The following SLC44A3 variants were observed in gnomAD, a reference collection of about 807,000 sequenced individuals.
SLC44A3 encodes the protein solute carrier family 44 member 3.
SLC44A3 carries 74 observed loss-of-function variants against 75.4 expected under a neutral mutation model. That is an observed-to-expected ratio of 0.98 (90% CI 0.81 to 1.19). SLC44A3 has a LOEUF of 1.19. Among genes scored for constraint, SLC44A3 ranks in the 50% most tolerant of loss-of-function variants. The probability of loss-of-function intolerance (pLI) is 0.00; values close to 1 mark genes in which losing one functional copy is unlikely to be tolerated. For synonymous variants in SLC44A3, 310 were observed against 296.9 expected (o/e 1.04, Z -0.45); for missense variants, 700 against 778.6 (o/e 0.90, Z 1.20).
Position 94,824,620 on chromosome 1 carries a change from A to T in SLC44A3, c.263A>T (p.Asp88Val), listed in dbSNP as rs1661057714. 6.3e-7 allele frequency: 1 copy of T among 1,589,342 alleles called. No homozygotes were observed. Among genetic ancestry groups the T allele is most frequent in the African/African-American group, 1.4e-5 (1 of 73,222 alleles). Residue 88 changes from aspartate (D) to valine (V), a missense_variant, in exon 3 of 15, where the codon GAC (aspartate) becomes GTC (valine). Coordinates refer to ENST00000271227, the MANE Select transcript of SLC44A3 (RefSeq NM_001114106.3). ...PVEGAPLSGQDMTLKKHVFFM... is the reference protein window; with the variant it reads ...PVEGAPLSGQVMTLKKHVFFM... The stretch of plus-strand genomic sequence containing the variant: ...GAAGGGGCCCCTCTTTCAGGGCAGG[A>T]CATGACCCTAAAAAAGTAAGTATCT...
intron 11 of SLC44A3, 53 bp from the exon 12 acceptor site, chr1:94,867,278 C>A: frequency 6.9e-7 from 1 of 1,448,294 alleles, no homozygotes; most frequent in East Asian, 2.5e-5. Context: ...GCCTGCTTTT[C>A]TTCTTTCCTG....
chr1:94,879,226 A>C (rs981657905), intron 12 of SLC44A3, among the ~76,000 whole-genome samples: 5 of 148,130 alleles, frequency 3.4e-5, no homozygotes, highest in Admixed American at 6.7e-5. Flanking sequence ...AAAAAAAAAA[A>C]CCCGATTTTA....
chr1:94,843,616 AG>A (rs1318954821), intron 8 of SLC44A3: 1 of 152,216 alleles, frequency 6.6e-6, no homozygotes, highest in African/African-American at 2.4e-5. Context: ...AGAGCATCTC[AG>A]GCCAAGGGCA....
intron 9 of SLC44A3, among the ~76,000 whole-genome samples, chr1:94,853,050 C>G (rs1303204162): frequency 6.6e-6 from 1 of 152,092 alleles, no homozygotes; most frequent in Non-Finnish European, 1.5e-5. Flanking sequence ...GTATTTAAAA[C>G]CATGAGATTA....
At position 94,882,888 on chromosome 1, in the gene SLC44A3, T is replaced by C. The variant is rs565328900; in HGVS notation, c.1483-8242T>C. 8.7e-5 allele frequency among the ~76,000 whole-genome samples: 13 copies of C among 149,252 alleles called. No homozygotes were observed. The East Asian group carries it at 2.6e-3, about 29-fold the overall frequency. The stretch of plus-strand genomic sequence containing the variant: ...TCCTCATTGGTGAAATAAGAGCATT[T>C]TTCTAGGTGATATCTAGGATGCCTT... On this transcript the variant is annotated intron_variant, in intron 12 of 14. Coordinates refer to ENST00000271227, the MANE Select transcript of SLC44A3 (RefSeq NM_001114106.3).
At chr1:94,850,980 A>G (rs978042795) in intron 9 of SLC44A3, among the ~76,000 whole-genome samples, 4 of 152,124 alleles carry the variant, frequency 2.6e-5, no homozygotes, top group African/African-American at 7.2e-5. Context: ...CACGGGAGAG[A>G]GTTGAAACAG....
intron 9 of SLC44A3, among the ~76,000 whole-genome samples, chr1:94,846,405 C>T (rs1025291935): frequency 6.6e-6 from 1 of 152,064 alleles, no homozygotes; most frequent in East Asian, 1.9e-4. Flanking sequence ...TGTAAAGCTC[C>T]GTAACAGGGC....
intron 9 of SLC44A3, among the ~76,000 whole-genome samples, chr1:94,845,801 A>G (rs12063734): frequency 0.012 from 1,782 of 152,252 alleles, 25 homozygotes; most frequent in African/African-American, 0.041. Context: ...TAATTTGCCA[A>G]CCCCTATCAA....
At chr1:94,824,662 T>C (rs765157685) in intron 3 of SLC44A3, 27 bp downstream of exon 3, 1 of 1,525,406 alleles carries the variant, frequency 6.6e-7, no homozygotes, top group South Asian at 1.3e-5. Context: ...GTCCCCAGTC[T>C]GTAAGGAACT....
At chr1:94,845,178 G>T in intron 8 of SLC44A3, 100 bp from the exon 9 acceptor site, 11 of 1,222,706 alleles carry the variant, frequency 9.0e-6, no homozygotes, top group Non-Finnish European at 1.1e-5. Context: ...TCTTAAAAGA[G>T]CTGTTTGCTG....
intron 6 of SLC44A3, among the ~76,000 whole-genome samples, chr1:94,839,586 G>C (rs544054921): frequency 8.2e-4 from 125 of 152,044 alleles, no homozygotes; most frequent in African/African-American, 2.8e-3. Context: ...ATGGGGTTTT[G>C]CCAGGTTGGC....
chr1:94,842,163 C>A lies in SLC44A3; in HGVS notation c.885+39C>A. On this transcript the variant is annotated intron_variant, in intron 8 of 14. Transcript: ENST00000271227. ...TTCTAGCAGTAGGTCAGGTAGCCAGCCAGGACTCTGAAATCCAAATCATTG... is the reference window on the plus strand; with the variant it reads ...TTCTAGCAGTAGGTCAGGTAGCCAGACAGGACTCTGAAATCCAAATCATTG... The A allele has an allele frequency of 1.9e-6, 3 of 1,544,788 alleles. No individual in the cohort carries two copies. In the South Asian group the frequency reaches 3.7e-5, roughly 19 times the overall value.
intron 8 of SLC44A3, 91 bp from the exon 9 acceptor site, chr1:94,845,187 T>A (rs1664244346): frequency 1.5e-6 from 2 of 1,314,440 alleles, no homozygotes; most frequent in Non-Finnish European, 2.1e-6. Context: ...AGCTGTTTGC[T>A]GAGATGTCAT....
intron 6 of SLC44A3, 98 bp downstream of exon 6, chr1:94,837,969 A>G (rs1426568101): frequency 8.2e-6 from 9 of 1,092,526 alleles, no homozygotes; most frequent in Non-Finnish European, 1.2e-5. Flanking sequence ...TCTTGTTTTA[A>G]ATATAAAACT....
At chr1:94,832,571 GC>G (rs1279643269) in intron 5 of SLC44A3, among the ~76,000 whole-genome samples, 1 of 151,964 alleles carries the variant, frequency 6.6e-6, no homozygotes, top group Non-Finnish European at 1.5e-5. Context: ...AGTTTTTTCT[GC>G]CCCTGAATAA....
chr1:94,886,176 C>G (rs976515784), intron 12 of SLC44A3, among the ~76,000 whole-genome samples: 14 of 152,166 alleles, frequency 9.2e-5, no homozygotes, highest in Non-Finnish European at 1.9e-4. Flanking sequence ...GCCCCGTAGG[C>G]ATTGTGGAGG....
At chr1:94,847,644 C>T (rs749579037) in intron 9 of SLC44A3, among the ~76,000 whole-genome samples, 32 of 152,134 alleles carry the variant, frequency 2.1e-4, no homozygotes, top group East Asian at 5.8e-4. Context: ...GCAGTGGCCC[C>T]GGTGCATGAA....
intron 7 of SLC44A3, among the ~76,000 whole-genome samples, chr1:94,841,663 C>T (rs1209746863): frequency 6.6e-6 from 1 of 152,168 alleles, no homozygotes; most frequent in Non-Finnish European, 1.5e-5. Flanking sequence ...TGAGCTCTGG[C>T]ATTGTCCCTC....
rs12031965 is a variant in SLC44A3 at position 94,866,934 on chromosome 1, T to G, written c.1396-397T>G. Among the ~76,000 whole-genome samples, 878 of 151,948 alleles carry G rather than the reference T, an allele frequency of 5.8e-3. 6 individuals carry two copies. Among genetic ancestry groups the G allele is most frequent in the East Asian group, 0.022 (116 of 5,192 alleles). ...TAACTAGTACCTACAGTGTATTATT[T>G]GTTTTTTTTGTTTCTGGGATGTGGA... is the stretch of plus-strand genomic sequence containing the variant. On this transcript the variant is annotated intron_variant, in intron 11 of 14. Coordinates refer to ENST00000271227, the MANE Select transcript of SLC44A3 (RefSeq NM_001114106.3).
Sources: allele counts gnomAD v4.1 joint callset (sites outside exome capture counted in the v4.1 genomes callset), GRCh38; gene constraint gnomAD v4.1.1; transcripts MANE v1.5; gene names NCBI Gene and HGNC (gene_info 2026-07-23, HGNC 2026-07-21).